Variants in UNKL observed in about 807,000 individuals in gnomAD.
UNKL encodes unk like zinc finger, also known as putative E3 ubiquitin-protein ligase UNKL.
Under a neutral mutation model 78.0 loss-of-function variants are expected in UNKL, and 60 were observed. The ratio of observed to expected loss-of-function variants is 0.77; its 90% CI spans 0.63 to 0.95. The LOEUF (loss-of-function observed/expected upper bound fraction) is 0.95. UNKL is among the 40% of genes least tolerant of loss of function. The pLI is 0.00. For synonymous variants in UNKL, 608 were observed against 474.8 expected, an observed-to-expected ratio of 1.28 and a Z score of -3.65; for missense variants, 1,159 against 1,045.7, an observed-to-expected ratio of 1.11 and a Z score of -1.49.
Position 1,367,249 on chromosome 16 carries a change from T to C in UNKL, c.1889A>G (p.Glu630Gly). The C allele has an allele frequency of 6.3e-7, 1 of 1,589,626 alleles. No individual in the cohort carries two copies. ...QLALQKKEEV[E>G]AQVKQLQEEL... ...CTCCTGCAGCTGCTTCACCTGTGCC[T>C]CCACCTCCTCCTTCTTCTGCAGCGC... Residue 630 changes from glutamate to glycine, a missense_variant, in exon 14 of 15, where the codon GAG (glutamate) becomes GGG (glycine). Coordinates refer to ENST00000389221, the MANE Select transcript of UNKL (RefSeq NM_001372107.1).
At position 1,387,678 on chromosome 16, in the gene UNKL, T is replaced by C. The variant is rs555898599; in HGVS notation, c.1087-2293A>G. 6.6e-6 allele frequency among the ~76,000 whole-genome samples: 1 copy of C among 151,888 alleles called. No homozygotes were observed. The highest frequency in any genetic ancestry group is 2.1e-4 in the South Asian group (1 of 4,814). Reference sequence around the variant, plus strand: ...GCAGCTATCACTCAGAACCAAAAGCTCAGGATGGCAACGCACGGCCCTCCG... The same window carrying C: ...GCAGCTATCACTCAGAACCAAAAGCCCAGGATGGCAACGCACGGCCCTCCG... On this transcript the variant is annotated intron_variant, in intron 9 of 14. Coordinates refer to ENST00000389221, the MANE Select transcript of UNKL (RefSeq NM_001372107.1). The surrounding 1 kb of genome is among the most constrained non-coding windows in gnomAD (Gnocchi z 4.1).
chr16:1,383,608 CCTTGGCCGGCATCGT>C, intron 10 of UNKL: 1 of 385,874 alleles, frequency 2.6e-6, no homozygotes, highest in Non-Finnish European at 5.4e-6. Flanking sequence ...TCCTCGGCCT[CCTTGGCCGGCATCGT>C]CTAGGAGTTG....
chr16:1,388,590 C>G (rs1000274208), intron 9 of UNKL, among the ~76,000 whole-genome samples: 2 of 152,174 alleles, frequency 1.3e-5, no homozygotes, highest in Non-Finnish European at 2.9e-5. Flanking sequence ...TGAAAATCAT[C>G]AACATCCATG....
chr16:1,375,366 G>A (rs1395417691), intron 10 of UNKL, among the ~76,000 whole-genome samples: 2 of 152,130 alleles, frequency 1.3e-5, no homozygotes, highest in Non-Finnish European at 2.9e-5. Context: ...GCAAGGCAGA[G>A]GCCACCCCCA....
At chr16:1,397,024 G>C in intron 6 of UNKL, 154 bp downstream of exon 6, 1 of 743,350 alleles carries the variant, frequency 1.3e-6, no homozygotes, top group Non-Finnish European at 2.2e-6. Context: ...AGCAGGTACA[G>C]CCCTCATGCC....
In UNKL at chr16:1,387,629, G is replaced by A. The variant is rs894691640; in HGVS notation, c.1087-2244C>T. On this transcript the variant is annotated intron_variant, in intron 9 of 14. Transcript: ENST00000389221. This position sits in a 1 kb window ranked among gnomAD's most constrained non-coding sequence, Gnocchi z 4.1. ...CAGCAAGGGGTGAGTGACGTGGGGC[G>A]GTCTGCTGAGCTCACCGCATCCAGC... Among the ~76,000 whole-genome samples the A allele has an allele frequency of 3.9e-5, 6 of 152,150 alleles. No individual in the cohort carries two copies. Among genetic ancestry groups the A allele is most frequent in the African/African-American group, 9.7e-5 (4 of 41,420 alleles).
At chr16:1,392,155 G>A (rs925540297) in intron 8 of UNKL, among the ~76,000 whole-genome samples, 23 of 152,194 alleles carry the variant, frequency 1.5e-4, no homozygotes, top group African/African-American at 5.1e-4. Context: ...AATATATGAA[G>A]GGAGTCAGAG....
rs112052381 is a variant in UNKL, at chr16:1,394,443, G to T, written c.853-228C>A. ...CACGCACACATGTGGGGCCATTCCC[G>T]CAGCATCTGCCCTCCCATCACAGGC... is the stretch of plus-strand genomic sequence containing the variant. On this transcript the variant is annotated intron_variant, in intron 6 of 14. Coordinates refer to ENST00000389221, the MANE Select transcript of UNKL (RefSeq NM_001372107.1). 2.3e-5 allele frequency: 16 copies of T among 684,548 alleles called. 1 individual carries two copies. 42.4% of individuals were successfully genotyped at this position (684,548 alleles called of 1,614,324 possible). A position where few individuals can be genotyped will look rare whatever the true frequency, so the allele number is the denominator to read the frequency against.
At chr16:1,374,354 T>C (rs1289402919) in intron 10 of UNKL, among the ~76,000 whole-genome samples, 1 of 152,160 alleles carries the variant, frequency 6.6e-6, no homozygotes, top group Non-Finnish European at 1.5e-5. Context: ...TGCCTGGTAC[T>C]GGACAGTGTG....
At chr16:1,390,759 A>G (rs1240321106) in intron 8 of UNKL, 65 bp from the exon 9 acceptor site, 1 of 1,515,300 alleles carries the variant, frequency 6.6e-7, no homozygotes, top group Non-Finnish European at 8.9e-7. Flanking sequence ...AAAACATACA[A>G]TTCAGGCTGG....
chr16:1,400,254 A>T (rs922299980), intron 4 of UNKL, among the ~76,000 whole-genome samples: 3 of 151,658 alleles, frequency 2.0e-5, no homozygotes, highest in Non-Finnish European at 4.4e-5. Flanking sequence ...CCCCGTCTCT[A>T]CTAAAAATAA....
intron 10 of UNKL, among the ~76,000 whole-genome samples, chr16:1,380,673 A>AT (rs57595079): frequency 0.041 from 4,103 of 99,262 alleles, 201 homozygotes; most frequent in African/African-American, 0.064. Context: ...CTGGTTCAGG[A>AT]TTTTTTTTTT....
At chr16:1,367,376 C>A (rs1488243119) in intron 13 of UNKL, 27 bp from the exon 14 acceptor site, 1 of 1,520,908 alleles carries the variant, frequency 6.6e-7, no homozygotes, top group South Asian at 1.2e-5. Flanking sequence ...GTCTCAGCAC[C>A]CCCCACCTCA....
In UNKL at chr16:1,380,452, G is replaced by A. The variant is rs1052091400; in HGVS notation, c.1264+4756C>T. ...GGCGCAGGAGTGCCCTGGGGTCAGC[G>A]GGCAGGACACTGCCTCCAGTGCCTG... On this transcript the variant is annotated intron_variant, in intron 10 of 14. Transcript: ENST00000389221. Among the ~76,000 whole-genome samples, 9 of 152,244 alleles carry A rather than the reference G, an allele frequency of 5.9e-5. 1 individual carries two copies. Among genetic ancestry groups the A allele is most frequent in the Admixed American group, 2.0e-4 (3 of 15,288 alleles).
chr16:1,394,317 TAACAA>T, intron 6 of UNKL, 102 bp from the exon 7 acceptor site: 2 of 1,370,750 alleles, frequency 1.5e-6, no homozygotes, highest in Non-Finnish European at 2.0e-6. Context: ...CTCCAAATCG[TAACAA>T]GACACCCCTG....
chr16:1,411,597 C>T (rs907568011), intron 2 of UNKL, among the ~76,000 whole-genome samples: 7 of 151,926 alleles, frequency 4.6e-5, no homozygotes, highest in East Asian at 1.9e-4. Flanking sequence ...GACGCCGAGG[C>T]GGGCAGATCA....
At chr16:1,369,483 C>G (rs2035604235) in intron 12 of UNKL, among the ~76,000 whole-genome samples, 1 of 152,142 alleles carries the variant, frequency 6.6e-6, no homozygotes, top group Non-Finnish European at 1.5e-5. Flanking sequence ...AATTCTCCTG[C>G]CTCAGCCTCC....
rs77471952 is a variant in UNKL at position 1,403,865 on chromosome 16, G to C, written c.288-521C>G. On this transcript the variant is annotated intron_variant, in intron 2 of 14. Coordinates refer to ENST00000389221, the MANE Select transcript of UNKL (RefSeq NM_001372107.1). The surrounding 1 kb of genome is among the most constrained non-coding windows in gnomAD (Gnocchi z 4.8). ...GACGCGGCTTGGGGGACACGAGGGG[G>C]ATGGGCAGAAGAGGCGGCAGATGGC... Among the ~76,000 whole-genome samples the C allele has an allele frequency of 9.2e-4, 140 of 152,244 alleles. No individual in the cohort carries two copies. The highest frequency in any genetic ancestry group is 3.0e-3 in the African/African-American group (126 of 41,556).
Position 1,363,605 on chromosome 16 carries a change from G to T in UNKL, c.*2635C>A, listed in dbSNP as rs546732886. 1.8e-3 allele frequency: 381 copies of T among 210,720 alleles called. 2 individuals are homozygous for T. Among genetic ancestry groups the T allele is most frequent in the African/African-American group, 8.2e-3 (347 of 42,340 alleles). The allele number at this position is 210,720 out of a possible 1,614,324, so 13.1% of individuals were successfully genotyped here. On this transcript the variant is annotated 3_prime_UTR_variant, in exon 15 of 15. Transcript: ENST00000389221. ...CGCCCCGTGCCCGCCATGGCCACAG[G>T]GGGGAGCTGCTGGGCGCGCCTCCAC...
Sources: gnomAD v4.1 joint callset for allele counts (sites outside exome capture counted in the v4.1 genomes callset) on GRCh38, gnomAD v4.1.1 for gene constraint, Gnocchi (gnomAD v3.1) non-coding constraint, MANE v1.5 for transcripts, NCBI Gene and HGNC (gene_info 2026-07-23, HGNC 2026-07-21) for gene names.